Variants in PPIG observed in about 807,000 individuals in gnomAD.
PPIG encodes the protein peptidylprolyl isomerase G.
A neutral mutation model predicts 87.9 loss-of-function variants in PPIG; 26 were observed. That is an observed-to-expected ratio of 0.30 (90% confidence interval 0.22 to 0.41). PPIG has a LOEUF of 0.41. PPIG is among the 10% of genes least tolerant of loss of function. PPIG has a pLI of 1.00. For synonymous variants in PPIG, 308 were observed against 276.5 expected (o/e 1.11, Z -1.13); for missense variants, 722 against 879.4 (o/e 0.82, Z 2.26).
Position 169,604,116 on chromosome 2 carries a change from T to A in PPIG, c.61+14T>A. Reference sequence around the variant, plus strand: ...ACAATCAACCTGGTAAGAATATTAGTTGACATTTATAAATGGGTGTTTAAT... The same window carrying A: ...ACAATCAACCTGGTAAGAATATTAGATGACATTTATAAATGGGTGTTTAAT... On this transcript the variant is annotated intron_variant, in intron 3 of 13. Transcript: ENST00000260970. The A allele has an allele frequency of 6.2e-7, 1 of 1,611,240 alleles. No individual in the cohort carries two copies. The highest frequency in any genetic ancestry group is 8.5e-7 in the Non-Finnish European group (1 of 1,177,494).
At chr2:169,602,877 G>A (rs1197929447) in intron 1 of PPIG, among the ~76,000 whole-genome samples, 1 of 152,160 alleles carries the variant, frequency 6.6e-6, no homozygotes, top group Non-Finnish European at 1.5e-5. Flanking sequence ...GAGGCTATTG[G>A]AATAGCCTAG....
chr2:169,592,409 A>G (rs769600670), intron 1 of PPIG, among the ~76,000 whole-genome samples: 61 of 142,428 alleles, frequency 4.3e-4, no homozygotes, highest in Admixed American at 1.0e-3. Context: ...GGTTCACGCC[A>G]TTCTCCTGCC....
intron 1 of PPIG, among the ~76,000 whole-genome samples, chr2:169,601,123 C>T (rs1157923793): frequency 1.3e-5 from 2 of 152,106 alleles, no homozygotes; most frequent in African/African-American, 4.8e-5. Context: ...TTGAACTAAA[C>T]AGTAGGTTTC....
intron 1 of PPIG, among the ~76,000 whole-genome samples, chr2:169,597,458 C>T (rs142309661): frequency 0.014 from 2,131 of 151,654 alleles, 9 homozygotes; most frequent in Middle Eastern, 0.041. Context: ...CATGCCTGGC[C>T]CCACTTTCGT....
chr2:169,636,887 A>G lies in PPIG; in HGVS notation c.1629A>G (p.Gln543=), dbSNP rs141700969. The change falls in exon 14 of 14, where the codon CAA becomes CAG. Residue 543 remains glutamine, a synonymous_variant. Transcript: ENST00000260970. Reference sequence around the variant, plus strand: ...GTAAGGAAAAGGATAGACGCGCACAATCCAGGAGTAGAGAATGTGATATAA... The same window carrying G: ...GTAAGGAAAAGGATAGACGCGCACAGTCCAGGAGTAGAGAATGTGATATAA... ...SKSKEKDRRA[Q]SRSRECDITK... 7 of 1,613,946 alleles carry G rather than the reference A, an allele frequency of 4.3e-6. No individual in the cohort carries two copies. Among genetic ancestry groups the G allele is most frequent in the Middle Eastern group, 1.6e-4 (1 of 6,062 alleles).
intron 1 of PPIG, among the ~76,000 whole-genome samples, chr2:169,591,920 A>ATTTTTTTTTTTTTTTTTTTTTT (rs3067016): frequency 1.1e-5 from 1 of 87,410 alleles, no homozygotes; most frequent in African/African-American, 4.7e-5. Flanking sequence ...GCAATTCATG[A>ATTTTTTTTTTTTTTTTTTTTTT]TTTTTTTTTT....
chr2:169,605,052 G>A (rs953684443), intron 4 of PPIG, among the ~76,000 whole-genome samples: 3 of 151,274 alleles, frequency 2.0e-5, no homozygotes, highest in Non-Finnish European at 3.0e-5. Flanking sequence ...GCAAATAATC[G>A]GCCAGGCGTG....
chr2:169,631,862 A>G lies in PPIG; in HGVS notation c.858A>G (p.Leu286=). The change falls in exon 11 of 14, where the codon CTA becomes CTG. Residue 286 remains leucine (L), a synonymous_variant. Coordinates refer to ENST00000260970, the MANE Select transcript of PPIG (RefSeq NM_004792.3). ...CTCCTATACCTGAAAATAGATTCCT[A>G]ATGAGAAAAAGTCCTCCTAAAGCTG... is the stretch of plus-strand genomic sequence containing the variant. The part of the protein sequence containing the change: ...EIPPIPENRF[L]MRKSPPKADE... 6.2e-7 allele frequency: 1 copy of G among 1,613,322 alleles called. No individual in the cohort carries two copies. The highest frequency in any genetic ancestry group is 2.2e-5 in the East Asian group (1 of 44,830).
At chr2:169,600,570 C>T (rs1685152211) in intron 1 of PPIG, among the ~76,000 whole-genome samples, 1 of 151,836 alleles carries the variant, frequency 6.6e-6, no homozygotes, top group South Asian at 2.1e-4. Context: ...TTTTGGCACT[C>T]AGAAAATTTC....
chr2:169,630,883 C>G lies in PPIG; in HGVS notation c.657C>G (p.Ser219=). The G allele has an allele frequency of 6.2e-7, 1 of 1,611,580 alleles. No individual in the cohort carries two copies. Among genetic ancestry groups the G allele is most frequent in the Non-Finnish European group, 8.5e-7 (1 of 1,179,162 alleles). ...DSQSSSDSSD[S]ESATEEKSKK... is the part of the protein sequence containing the mutation. Reference sequence around the variant, plus strand: ...AGTCCTCTTCTGATTCCTCTGATTCCGAAAGTGCTACTGAAGAGAAATCAA... The same window carrying G: ...AGTCCTCTTCTGATTCCTCTGATTCGGAAAGTGCTACTGAAGAGAAATCAA... Residue 219 remains serine (S), a synonymous_variant, in exon 10 of 14, where the codon TCC becomes TCG. Coordinates refer to ENST00000260970, the MANE Select transcript of PPIG (RefSeq NM_004792.3).
rs370391382 is a variant in PPIG at position 169,614,983 on chromosome 2, A to G, written c.547+259A>G. ...AGCTAATTAACATTTATTGCCTCAC[A>G]TAATTACCCCTTTTTGTGGTGAGAA... On this transcript the variant is annotated intron_variant, in intron 9 of 13. Transcript: ENST00000260970. Among the ~76,000 whole-genome samples the G allele has an allele frequency of 5.1e-4, 78 of 152,232 alleles. 3 individuals are homozygous for G. In the South Asian group the frequency reaches 0.016, roughly 31 times the overall value.
At chr2:169,604,328 T>TTG in intron 4 of PPIG, 67 bp downstream of exon 4, 1 of 43,872 alleles carries the variant, frequency 2.3e-5, no homozygotes, top group East Asian at 1.1e-3. Flanking sequence ...GCTTGCTTGG[T>TTG]TTTTTTTTTT....
chr2:169,634,372 C>T (rs748908954), intron 12 of PPIG, among the ~76,000 whole-genome samples: 8 of 152,062 alleles, frequency 5.3e-5, no homozygotes, highest in Non-Finnish European at 1.2e-4. Flanking sequence ...ATTTACCTAA[C>T]CTTTAAATAC....
At position 169,612,119 on chromosome 2, in the gene PPIG, G is replaced by A. The variant is rs1375140456; in HGVS notation, c.378-2345G>A. On this transcript the variant is annotated intron_variant, in intron 7 of 13. Transcript: ENST00000260970. ...GCCTCCCAAAGTGCTGGGGTTATAG[G>A]TGTGAGCCACTGGGCCTAGTGAGTC... 2.0e-5 allele frequency among the ~76,000 whole-genome samples: 3 copies of A among 151,976 alleles called. No individual in the cohort carries two copies. In the East Asian group the frequency reaches 5.8e-4, roughly 29 times the overall value.
intron 9 of PPIG, among the ~76,000 whole-genome samples, chr2:169,620,967 T>G (rs1330533998): frequency 1.3e-5 from 2 of 152,162 alleles, no homozygotes; most frequent in Non-Finnish European, 2.9e-5. Context: ...CTGTAATGCT[T>G]TCTGATTCTC....
rs149948977 is a variant in PPIG, at chr2:169,615,235, G to T, written c.547+511G>T. On this transcript the variant is annotated intron_variant, in intron 9 of 13. Coordinates refer to ENST00000260970, the MANE Select transcript of PPIG (RefSeq NM_004792.3). ...AGCTAACTTCTGTATTTTTAGTGGA[G>T]ATGGGGTTTCACCATATTGGCCAGG... Among the ~76,000 whole-genome samples, 137 of 152,248 alleles carry T rather than the reference G, an allele frequency of 9.0e-4. 2 individuals carry two copies. In the East Asian group the frequency reaches 0.023, roughly 25 times the overall value.
At chr2:169,594,625 C>CTTTT (rs61375406) in intron 1 of PPIG, among the ~76,000 whole-genome samples, 47 of 114,606 alleles carry the variant, frequency 4.1e-4, no homozygotes, top group African/African-American at 8.9e-4. Context: ...TCTTTCTTTT[C>CTTTT]TTTTTTTTTT....
At chr2:169,585,501 C>T (rs1684676225) in intron 1 of PPIG, among the ~76,000 whole-genome samples, 1 of 151,920 alleles carries the variant, frequency 6.6e-6, no homozygotes, top group African/African-American at 2.4e-5. Context: ...CCTCGTGATC[C>T]GCCCACCTCG....
chr2:169,628,393 C>T (rs778877785), intron 9 of PPIG, among the ~76,000 whole-genome samples: 4 of 152,198 alleles, frequency 2.6e-5, no homozygotes, highest in Middle Eastern at 3.2e-3. Context: ...AGCAACATCT[C>T]ATCAGTACTG....
Sources: gnomAD v4.1 joint callset for allele counts (sites outside exome capture counted in the v4.1 genomes callset) on GRCh38, gnomAD v4.1.1 for gene constraint, MANE v1.5 for transcripts, NCBI Gene and HGNC (gene_info 2026-07-23, HGNC 2026-07-21) for gene names.